LUC7L: variants seen among roughly 807,000 people sequenced by gnomAD.
LUC7L encodes the protein LUC7 like.
In LUC7L, 29 loss-of-function variants were observed where a neutral mutation model predicts 51.1. The ratio of observed to expected loss-of-function variants is 0.57; its 90% CI spans 0.42 to 0.77. The LOEUF is 0.77. Among genes scored for constraint, LUC7L ranks in the 30% least tolerant of loss-of-function variants. LUC7L has a pLI of 0.00. For synonymous variants in LUC7L, 181 were observed against 180.7 expected (o/e 1.00, Z -0.01); for missense variants, 403 against 511.9 (o/e 0.79, Z 2.05).
At chr16:198,419 T>C (rs2685123) in intron 6 of LUC7L, among the ~76,000 whole-genome samples, 115,244 of 151,874 alleles carry the variant, frequency 0.76, 44,864 homozygotes, top group African/African-American at 0.94. Context: ...AGGTGGCTCA[T>C]AGGCAAGGAG....
At chr16:224,614 G>T (rs1201364301) in intron 2 of LUC7L, among the ~76,000 whole-genome samples, 3 of 151,360 alleles carry the variant, frequency 2.0e-5, no homozygotes, top group African/African-American at 7.3e-5. Context: ...TGGATCACCT[G>T]AAGTCAGGAG....
intron 5 of LUC7L, among the ~76,000 whole-genome samples, chr16:201,124 G>A (rs1433949706): frequency 2.2e-5 from 3 of 137,996 alleles, no homozygotes; most frequent in Admixed American, 7.8e-5. Context: ...AGCCGAGATC[G>A]CACCACAGCA....
intron 6 of LUC7L, among the ~76,000 whole-genome samples, chr16:198,787 A>T (rs934948277): frequency 6.6e-6 from 1 of 152,008 alleles, no homozygotes; most frequent in African/African-American, 2.4e-5. Flanking sequence ...CCTGGGTTTA[A>T]GCAATTCTTC....
chr16:226,213 T>C (rs2050129138), intron 2 of LUC7L, among the ~76,000 whole-genome samples: 1 of 152,114 alleles, frequency 6.6e-6, no homozygotes, highest in Non-Finnish European at 1.5e-5. Flanking sequence ...ATCTGAGCGG[T>C]TTTCCAGAAG....
chr16:215,717 T>A (rs2049776478), intron 3 of LUC7L, among the ~76,000 whole-genome samples: 1 of 151,422 alleles, frequency 6.6e-6, no homozygotes, highest in Non-Finnish European at 1.5e-5. Flanking sequence ...GTGGGAAAAT[T>A]GCTTGAACCG....
intron 3 of LUC7L, among the ~76,000 whole-genome samples, chr16:214,020 G>GA (rs2049718425): frequency 6.7e-6 from 1 of 149,312 alleles, no homozygotes; most frequent in Non-Finnish European, 1.5e-5. Flanking sequence ...GGCTTGAGTT[G>GA]AAATCGTTAC....
intron 6 of LUC7L, 117 bp from the exon 7 acceptor site, chr16:193,132 C>A: frequency 1.2e-6 from 1 of 822,466 alleles, no homozygotes; most frequent in East Asian, 2.5e-5. Context: ...ATTGAAGGGA[C>A]ACTTTTAGGA....
At chr16:207,130 C>T (rs1216172758) in intron 4 of LUC7L, among the ~76,000 whole-genome samples, 2 of 150,954 alleles carry the variant, frequency 1.3e-5, no homozygotes, top group Non-Finnish European at 2.9e-5. Flanking sequence ...ACCCAGGAGG[C>T]GGAGCTTGCA....
chr16:227,972 C>A, intron 1 of LUC7L: 2 of 1,042,010 alleles, frequency 1.9e-6, no homozygotes, highest in Non-Finnish European at 1.2e-6. Context: ...CTGTGAGCTC[C>A]AACACATACT....
At chr16:223,901 AC>A (rs1372080631) in intron 2 of LUC7L, among the ~76,000 whole-genome samples, 9 of 151,650 alleles carry the variant, frequency 5.9e-5, no homozygotes, top group African/African-American at 2.2e-4. Flanking sequence ...CAAACTCCTG[AC>A]CTCAAGTGAT....
At chr16:216,061 G>A (rs958237836) in intron 3 of LUC7L, among the ~76,000 whole-genome samples, 3 of 152,016 alleles carry the variant, frequency 2.0e-5, no homozygotes, top group African/African-American at 7.2e-5. Context: ...CAGTGCAATG[G>A]CACGATCTTG....
Position 204,167 on chromosome 16 carries a change from G to A in LUC7L, c.510+1837C>T, listed in dbSNP as rs891301575. ...ACTCATAAAAGGTATCAAATGGCCT[G>A]GCGAAGTGGCTCACGCCTGTGATCC... On this transcript the variant is annotated intron_variant, in intron 5 of 9. Coordinates refer to ENST00000293872, the MANE Select transcript of LUC7L (RefSeq NM_201412.3). 9.2e-5 allele frequency among the ~76,000 whole-genome samples: 14 copies of A among 152,170 alleles called. No homozygotes were observed. In the East Asian group the frequency reaches 2.1e-3, roughly 23 times the overall value.
At chr16:218,391 G>A (rs890958569) in intron 3 of LUC7L, among the ~76,000 whole-genome samples, 4 of 152,064 alleles carry the variant, frequency 2.6e-5, no homozygotes, top group East Asian at 1.9e-4. Flanking sequence ...TGGGTGATTA[G>A]GGATTAAAAA....
At chr16:201,761 T>TTTTTTA (rs2049340221) in intron 5 of LUC7L, among the ~76,000 whole-genome samples, 1 of 96,142 alleles carries the variant, frequency 1.0e-5, no homozygotes, top group African/African-American at 4.4e-5. Flanking sequence ...TTTTTTTTTT[T>TTTTTTA]GAGAGAGAGT....
chr16:218,092 C>T (rs542453003), intron 3 of LUC7L, among the ~76,000 whole-genome samples: 49 of 151,168 alleles, frequency 3.2e-4, no homozygotes, highest in Non-Finnish European at 6.5e-4. Flanking sequence ...ACTCAGGAGG[C>T]TGAGGTAGGA....
At chr16:227,683 C>T (rs1267477193) in intron 1 of LUC7L, 1 of 1,068,064 alleles carries the variant, frequency 9.4e-7, no homozygotes, top group African/African-American at 1.7e-5. Context: ...GGTCCATGAA[C>T]CACCAAGGGT....
intron 3 of LUC7L, among the ~76,000 whole-genome samples, chr16:212,194 G>C (rs1414094336): frequency 1.3e-5 from 2 of 152,194 alleles, no homozygotes; most frequent in African/African-American, 4.8e-5. Flanking sequence ...TCAGGAGGCT[G>C]AGGCAGGAGA....
intron 3 of LUC7L, among the ~76,000 whole-genome samples, chr16:217,809 C>T (rs554605617): frequency 1.1e-4 from 16 of 151,968 alleles, no homozygotes; most frequent in African/African-American, 3.4e-4. Context: ...GAGGCCAAGG[C>T]AGGTGGATCA....
chr16:224,792 C>A (rs2050081294), intron 2 of LUC7L, among the ~76,000 whole-genome samples: 1 of 151,894 alleles, frequency 6.6e-6, no homozygotes, highest in Non-Finnish European at 1.5e-5. Context: ...GAGATAGCAC[C>A]ATGCACTCCA....
Sources: gnomAD v4.1 joint callset for allele counts (sites outside exome capture counted in the v4.1 genomes callset) on GRCh38, gnomAD v4.1.1 for gene constraint, MANE v1.5 for transcripts, NCBI Gene and HGNC (gene_info 2026-07-23, HGNC 2026-07-21) for gene names.